The following MRPS28 variants were observed in gnomAD, a reference collection of about 807,000 sequenced individuals.
MRPS28 encodes the protein small ribosomal subunit protein bS1m.
Under a neutral mutation model 10.8 loss-of-function variants are expected in MRPS28, and 7 were observed. The observed-to-expected ratio is 0.65, with a 90% CI of 0.37 to 1.22. The LOEUF (loss-of-function observed/expected upper bound fraction) is 1.22, where lower values mean the gene tolerates loss of function less well. Ranked by LOEUF, MRPS28 falls within the 50% of genes most tolerant of loss-of-function variation. The pLI, the probability that MRPS28 is intolerant of heterozygous loss-of-function variation, is 0.02. For synonymous variants in MRPS28, 121 were observed against 93.3 expected (o/e 1.30, Z -1.71); for missense variants, 265 against 232.9 (o/e 1.14, Z -0.90).
chr8:80,005,092 T>A, intron 1 of MRPS28, among the ~76,000 whole-genome samples: 1 of 152,052 alleles, frequency 6.6e-6, no homozygotes, highest in South Asian at 2.1e-4. Context: ...ACATCCCCAA[T>A]CTAGCAAGGC....
rs74626621 is a variant in MRPS28, at chr8:80,010,636, C to T, written c.214-7456G>A. 6.4e-3 allele frequency among the ~76,000 whole-genome samples: 976 copies of T among 152,304 alleles called. 9 individuals are homozygous for T. The highest frequency in any genetic ancestry group is 0.022 in the African/African-American group (911 of 41,546). On this transcript the variant is annotated intron_variant, in intron 1 of 2. Coordinates refer to ENST00000276585, the MANE Select transcript of MRPS28 (RefSeq NM_014018.3). ...ATGTAAATTTTCCAATTTTTAAATA[C>T]TTATATGCAGGGGGATAAAGTTTTC...
intron 1 of MRPS28, among the ~76,000 whole-genome samples, chr8:80,005,810 AC>A (rs1436084415): frequency 4.9e-4 from 74 of 152,192 alleles, no homozygotes; most frequent in Admixed American, 1.1e-3. Context: ...CAAATGGAAA[AC>A]AAAAAAAGGC....
intron 1 of MRPS28, among the ~76,000 whole-genome samples, chr8:80,018,150 G>C (rs752162928): frequency 6.6e-6 from 1 of 151,864 alleles, no homozygotes; most frequent in Non-Finnish European, 1.5e-5. Context: ...AAAACTAGCA[G>C]GGCATGGTGG....
At chr8:80,001,003 C>A (rs181983934) in intron 2 of MRPS28, among the ~76,000 whole-genome samples, 1 of 152,166 alleles carries the variant, frequency 6.6e-6, no homozygotes, top group African/African-American at 2.4e-5. Context: ...ATATGATTAA[C>A]GGAATTCCAT....
chr8:79,961,724 T>C (rs1465313552), intron 2 of MRPS28, among the ~76,000 whole-genome samples: 1 of 152,162 alleles, frequency 6.6e-6, no homozygotes, highest in Non-Finnish European at 1.5e-5. Flanking sequence ...CAAGATGGCA[T>C]ATGGTTTGCT....
At chr8:79,956,568 A>G (rs1440060557) in intron 2 of MRPS28, 2 of 152,216 alleles carry the variant, frequency 1.3e-5, no homozygotes, top group East Asian at 3.9e-4. Flanking sequence ...TGTACGTATT[A>G]TTTCATCACC....
intron 2 of MRPS28, among the ~76,000 whole-genome samples, chr8:79,959,464 T>C (rs1238755441): frequency 1.3e-5 from 2 of 152,140 alleles, no homozygotes; most frequent in African/African-American, 4.8e-5. Flanking sequence ...TATATATCTG[T>C]TGTATACACA....
chr8:79,942,792 C>A (rs1806804902), intron 2 of MRPS28, among the ~76,000 whole-genome samples: 1 of 151,994 alleles, frequency 6.6e-6, no homozygotes, highest in South Asian at 2.1e-4. Flanking sequence ...TTTTAAAATT[C>A]TCTAACAGGC....
chr8:79,919,158 T>C lies in MRPS28; in HGVS notation c.396-10A>G. 8.1e-7 allele frequency: 1 copy of C among 1,237,522 alleles called. No individual in the cohort carries two copies. The highest frequency in any genetic ancestry group is 1.1e-6 in the Non-Finnish European group (1 of 911,876). The allele number at this position is 1,237,522 out of a possible 1,614,324, so 76.7% of individuals were successfully genotyped here. A position where few individuals can be genotyped will look rare whatever the true frequency, so the allele number is the denominator to read the frequency against. ...TCCTTTCTGGTATTTCCTAAATAGT[T>C]AAAAAAAAAAAAATCCATTAATTCT... On this transcript the variant is annotated splice_polypyrimidine_tract_variant and intron_variant, in intron 2 of 2. Transcript: ENST00000276585.
intron 2 of MRPS28, among the ~76,000 whole-genome samples, chr8:79,922,529 T>C (rs1164133004): frequency 1.3e-5 from 2 of 152,202 alleles, no homozygotes; most frequent in Non-Finnish European, 2.9e-5. Flanking sequence ...TTAGCTCGAT[T>C]TGGCTATCCC....
chr8:79,956,266 A>G (rs960485761), intron 2 of MRPS28, among the ~76,000 whole-genome samples: 1 of 152,112 alleles, frequency 6.6e-6, no homozygotes, highest in Non-Finnish European at 1.5e-5. Flanking sequence ...CTTTTTGAGT[A>G]TGTATTTAAA....
At position 80,003,773 on chromosome 8, in the gene MRPS28, G is replaced by A. The variant is rs189211555; in HGVS notation, c.214-593C>T. 7.4e-3 allele frequency among the ~76,000 whole-genome samples: 1,119 copies of A among 152,234 alleles called. 5 individuals are homozygous for A. Among genetic ancestry groups the A allele is most frequent in the Non-Finnish European group, 8.8e-3 (600 of 68,018 alleles). On this transcript the variant is annotated intron_variant, in intron 1 of 2. Transcript: ENST00000276585. ...TGTGACAGACGGCACCTGGAAAATC[G>A]GGTCACTCCCACCTTAATAGTGCGC...
At chr8:79,946,389 T>C (rs979949956) in intron 2 of MRPS28, among the ~76,000 whole-genome samples, 6 of 152,136 alleles carry the variant, frequency 3.9e-5, no homozygotes, top group African/African-American at 1.2e-4. Context: ...TATGTACTAA[T>C]GAAAGTACAA....
rs570307310 is a variant in MRPS28, at chr8:79,958,541, T to C, written c.396-39393A>G. ...TACACTAACAATTTTTTAAAAGGCA[T>C]TTATTAAGAAAGAGAGTCACTAATT... On this transcript the variant is annotated intron_variant, in intron 2 of 2. Transcript: ENST00000276585. 6.6e-4 allele frequency: 380 copies of C among 575,308 alleles called. 1 individual carries two copies. The highest frequency in any genetic ancestry group is 1.0e-3 in the Non-Finnish European group (327 of 328,410). The allele number at this position is 575,308 out of a possible 1,614,324, so 35.6% of individuals were successfully genotyped here.
intron 2 of MRPS28, among the ~76,000 whole-genome samples, chr8:79,937,186 G>GA (rs1448084147): frequency 6.6e-6 from 1 of 152,036 alleles, no homozygotes; most frequent in Non-Finnish European, 1.5e-5. Context: ...TTTATAATGA[G>GA]AAAAAACTCT....
At chr8:79,928,799 C>T (rs1412240860) in intron 2 of MRPS28, among the ~76,000 whole-genome samples, 2 of 138 alleles carry the variant, frequency 0.014, no homozygotes, top group Non-Finnish European at 0.027. Context: ...GTAATCCCAG[C>T]ACTTTGGAGC....
chr8:80,013,634 C>CAAAAAAAAAAAAAAAAAAGAAAAAAAAA (rs769292640), intron 1 of MRPS28, among the ~76,000 whole-genome samples: 1 of 75,624 alleles, frequency 1.3e-5, no homozygotes, highest in Non-Finnish European at 2.5e-5. Context: ...GACTCCATCT[C>CAAAAAAAAAAAAAAAAAAGAAAAAAAAA]AAAAAAAAAA....
chr8:79,924,558 G>A (rs1810183959), intron 2 of MRPS28, among the ~76,000 whole-genome samples: 1 of 152,116 alleles, frequency 6.6e-6, no homozygotes, highest in South Asian at 2.1e-4. Context: ...TTTGCAGTTG[G>A]AAGACTTTAT....
chr8:79,976,226 G>A (rs1164343511), intron 2 of MRPS28, among the ~76,000 whole-genome samples: 1 of 152,040 alleles, frequency 6.6e-6, no homozygotes, highest in Non-Finnish European at 1.5e-5. Context: ...TGGGATTACA[G>A]GCATGTGCCA....
Sources: allele counts gnomAD v4.1 joint callset (sites outside exome capture counted in the v4.1 genomes callset), GRCh38; gene constraint gnomAD v4.1.1; transcripts MANE v1.5; gene names NCBI Gene and HGNC (gene_info 2026-07-23, HGNC 2026-07-21).